Variants in CBLIF observed in about 807,000 individuals in gnomAD.
The protein encoded by CBLIF is cobalamin binding intrinsic factor.
In CBLIF, 24 loss-of-function variants were observed where a neutral mutation model predicts 44.9. That is an observed-to-expected ratio of 0.53 (90% CI 0.39 to 0.75). The LOEUF is 0.75. CBLIF is among the 30% of genes least tolerant of loss of function. CBLIF has a pLI of 0.00. For missense variants in CBLIF, 481 were observed against 513.0 expected (o/e 0.94, Z 0.60); for synonymous variants, 183 against 190.9 (o/e 0.96, Z 0.34).
rs1866569730 is a variant in CBLIF, at chr11:59,843,746, T to C, written c.256+133A>G. ...TCTTTCCAGGTACCTTCCAGGTATG[T>C]AAGGAAAGGTGTTTGGGTAGTTTAT... On this transcript the variant is annotated intron_variant, in intron 2 of 8. Transcript: ENST00000257248. 14 of 737,438 alleles carry C rather than the reference T, an allele frequency of 1.9e-5. No homozygotes were observed. The East Asian group carries it at 3.5e-4, about 18-fold the overall frequency. The allele number at this position is 737,438 out of a possible 1,614,324, so 45.7% of individuals were successfully genotyped here.
chr11:59,833,243 G>A (rs145164386), intron 7 of CBLIF, among the ~76,000 whole-genome samples: 262 of 152,260 alleles, frequency 1.7e-3, no homozygotes, highest in African/African-American at 5.9e-3. Flanking sequence ...TGGGCCAGAC[G>A]CAGTGGCTCA....
chr11:59,843,950 T>C lies in CBLIF; in HGVS notation c.185A>G (p.Asn62Ser), dbSNP rs770438297. 6.2e-7 allele frequency: 1 copy of C among 1,613,380 alleles called. No individual in the cohort carries two copies. The highest frequency in any genetic ancestry group is 8.5e-7 in the Non-Finnish European group (1 of 1,179,580). The part of the protein sequence containing the change: ...YPNPSILIAM[N>S]LAGAYNLKAQ... ...CTTCAAGTTGTAGGCTCCGGCCAGA[T>C]TCATGGCAATCAGGATGCTGGGGTT... is the stretch of plus-strand genomic sequence containing the variant. The change falls in exon 2 of 9, where the codon AAT (asparagine) becomes AGT (serine). Residue 62 changes from asparagine to serine, a missense_variant. Asn to Ser is a conservative substitution (Grantham distance 46). Transcript: ENST00000257248.
Position 59,835,972 on chromosome 11 carries a change from G to C in CBLIF, c.909C>G (p.Gly303=). The C allele has an allele frequency of 6.2e-7, 1 of 1,614,174 alleles. No homozygotes were observed. The highest frequency in any genetic ancestry group is 8.5e-7 in the Non-Finnish European group (1 of 1,179,994). ...TGTTAGATGCAGAGGTGGGGCCAGG[G>C]CCAGGGTTGCTGGGTAGAGTTGGTT... ...EVQPTLPSNP[G]PGPTSASNIT... is the part of the protein sequence containing the mutation. Residue 303 remains glycine (G), a synonymous_variant, in exon 7 of 9, where the codon GGC becomes GGG. Transcript: ENST00000257248.
chr11:59,835,980 T>C lies in CBLIF; in HGVS notation c.901A>G (p.Asn301Asp). ...GCAGAGGTGGGGCCAGGGCCAGGGT[T>C]GCTGGGTAGAGTTGGTTGTACCTCA... ...DHEVQPTLPS[N>D]PGPGPTSASN... The change falls in exon 7 of 9, where the codon AAC becomes GAC. Residue 301 changes from asparagine (N) to aspartate (D), a missense_variant. Coordinates refer to ENST00000257248, the MANE Select transcript of CBLIF (RefSeq NM_005142.3). 1 of 1,614,188 alleles carries C rather than the reference T, an allele frequency of 6.2e-7. No individual in the cohort carries two copies. The highest frequency in any genetic ancestry group is 8.5e-7 in the Non-Finnish European group (1 of 1,180,012).
In CBLIF at chr11:59,837,304, C is replaced by G; in HGVS notation, c.741G>C (p.Lys247Asn). The change falls in exon 6 of 9, where the codon AAG becomes AAC. Residue 247 changes from lysine (K) to asparagine (N), a missense_variant. Coordinates refer to ENST00000257248, the MANE Select transcript of CBLIF (RefSeq NM_005142.3). ...CATTGAGTATCATATCCGTAGTCTT[C>G]TTGCAGTTCCATTCCTTTTTAGATG... ...PEPSKKEWNC[K>N]KTTDMILNEI... 1 of 1,613,400 alleles carries G rather than the reference C, an allele frequency of 6.2e-7. No individual in the cohort carries two copies. The highest frequency in any genetic ancestry group is 8.5e-7 in the Non-Finnish European group (1 of 1,179,360).
chr11:59,837,805 G>A (rs1164523479), intron 5 of CBLIF, among the ~76,000 whole-genome samples: 3 of 152,186 alleles, frequency 2.0e-5, no homozygotes, highest in Non-Finnish European at 4.4e-5. Context: ...GCCCAGGATG[G>A]ACTCATGACC....
At chr11:59,842,368 C>G in intron 4 of CBLIF, 75 bp downstream of exon 4, 5 of 1,536,478 alleles carry the variant, frequency 3.3e-6, no homozygotes, top group Non-Finnish European at 4.5e-6. Flanking sequence ...TCCTTTGTCA[C>G]TTCCCTGCCA....
rs761350186 is a variant in CBLIF, at chr11:59,843,018, C to A, written c.370+10G>T. The stretch of plus-strand genomic sequence containing the variant: ...GCCTGACTCTTTTCTCCCTTCCAGT[C>A]AGGTCTTACTGGAAGGTGCCCAGTT... On this transcript the variant is annotated intron_variant, in intron 3 of 8. Transcript: ENST00000257248. 2 of 1,432,234 alleles carry A rather than the reference C, an allele frequency of 1.4e-6. No homozygotes were observed. Among genetic ancestry groups the A allele is most frequent in the Admixed American group, 3.3e-5 (2 of 59,766 alleles). The allele number at this position is 1,432,234 out of a possible 1,614,324, so 88.7% of individuals were successfully genotyped here. A position where few individuals can be genotyped will look rare whatever the true frequency, so the allele number is the denominator to read the frequency against.
intron 3 of CBLIF, 109 bp downstream of exon 3, chr11:59,842,919 C>G: frequency 1.3e-6 from 1 of 745,244 alleles, no homozygotes; most frequent in East Asian, 2.6e-5. Flanking sequence ...TACATTGTCT[C>G]TTCCCTAACT....
chr11:59,831,605 T>C (rs555613681), intron 8 of CBLIF, 73 bp downstream of exon 8: 6 of 767,316 alleles, frequency 7.8e-6, no homozygotes, highest in Non-Finnish European at 1.4e-5. Context: ...ATGAATAAAT[T>C]AAATGAAAAA....
At chr11:59,842,350 G>T in intron 4 of CBLIF, 93 bp downstream of exon 4, 1 of 1,372,022 alleles carries the variant, frequency 7.3e-7, no homozygotes, top group Non-Finnish European at 1.0e-6. Flanking sequence ...CTCCTCCATG[G>T]GACGCTCTCC....
chr11:59,831,374 G>A (rs1449124577), intron 8 of CBLIF, among the ~76,000 whole-genome samples: 1 of 151,952 alleles, frequency 6.6e-6, no homozygotes, highest in Non-Finnish European at 1.5e-5. Context: ...CATTCTAGAT[G>A]CATGCCTTGT....
intron 8 of CBLIF, 160 bp downstream of exon 8, chr11:59,831,518 A>G (rs1490027659): frequency 4.1e-6 from 2 of 489,238 alleles, no homozygotes; most frequent in Non-Finnish European, 7.3e-6. Context: ...ATATGTGTGT[A>G]TACATATATA....
intron 8 of CBLIF, among the ~76,000 whole-genome samples, chr11:59,830,233 CTTTTTTTTTTT>C (rs530371257): frequency 2.4e-5 from 3 of 123,294 alleles, no homozygotes; most frequent in Non-Finnish European, 3.5e-5. Flanking sequence ...CAATTACTTT[CTTTTTTTTTTT>C]TTTTTTTTTT....
chr11:59,837,504 A>G (rs1183608121), intron 5 of CBLIF, among the ~76,000 whole-genome samples, 153 bp from the exon 6 acceptor site: 2 of 152,194 alleles, frequency 1.3e-5, no homozygotes. Context: ...TTTGGAAAAC[A>G]TTTGTCTTCA....
chr11:59,831,287 T>C (rs1318328104), intron 8 of CBLIF, among the ~76,000 whole-genome samples: 3 of 152,184 alleles, frequency 2.0e-5, no homozygotes, highest in African/African-American at 7.2e-5. Flanking sequence ...AGGTGAAGCA[T>C]AAATTTTGAG....
rs765943595 is a variant in CBLIF at position 59,835,961 on chromosome 11, G to T, written c.920C>A (p.Thr307Asn). ...TLPSNPGPGP[T>N]SASNITVIYT... The stretch of plus-strand genomic sequence containing the variant: ...TATGACAGTGATGTTAGATGCAGAG[G>T]TGGGGCCAGGGCCAGGGTTGCTGGG... The change falls in exon 7 of 9, where the codon ACC (threonine) becomes AAC (asparagine). Residue 307 changes from threonine (T) to asparagine (N), a missense_variant. By Grantham distance (65) the Thr-to-Asn change is moderately conservative. Transcript: ENST00000257248. 1.3e-5 allele frequency: 21 copies of T among 1,614,044 alleles called. No homozygotes were observed. In the South Asian group the frequency reaches 2.1e-4, roughly 16 times the overall value.
intron 8 of CBLIF, 197 bp downstream of exon 8, chr11:59,831,480 TA>T (rs1866373171): frequency 3.8e-5 from 4 of 105,290 alleles, no homozygotes; most frequent in African/African-American, 2.5e-4. Context: ...ATGTAATGAT[TA>T]TATATATATA....
chr11:59,839,114 G>T (rs1052536191), intron 5 of CBLIF, among the ~76,000 whole-genome samples: 13 of 152,172 alleles, frequency 8.5e-5, no homozygotes, highest in African/African-American at 2.9e-4. Flanking sequence ...CTCCCAAAGT[G>T]CTGGGATTAC....
Sources: gnomAD v4.1 joint callset for allele counts (sites outside exome capture counted in the v4.1 genomes callset) on GRCh38, gnomAD v4.1.1 for gene constraint, MANE v1.5 for transcripts, NCBI Gene and HGNC (gene_info 2026-07-23, HGNC 2026-07-21) for gene names.